Variants in ADAMTSL1 observed in about 807,000 individuals in gnomAD.
The protein encoded by ADAMTSL1 is ADAMTS-like protein 1.
In ADAMTSL1, 126 loss-of-function variants were observed where a neutral mutation model predicts 201.8. The ratio of observed to expected loss-of-function variants is 0.62; its 90% CI spans 0.54 to 0.72. The LOEUF (loss-of-function observed/expected upper bound fraction) is 0.72, where lower values mean the gene tolerates loss of function less well. ADAMTSL1 is among the 30% of genes least tolerant of loss of function. The pLI, the probability that ADAMTSL1 is intolerant of heterozygous loss-of-function variation, is 0.00. For missense variants in ADAMTSL1, 2,679 were observed against 2,277.8 expected (o/e 1.18, Z -3.59); for synonymous variants, 1,121 against 903.4 (o/e 1.24, Z -4.32).
At chr9:18,262,921 A>G (rs932088529) in intron 2 of ADAMTSL1, among the ~76,000 whole-genome samples, 1 of 152,236 alleles carries the variant, frequency 6.6e-6, no homozygotes, top group African/African-American at 2.4e-5. Flanking sequence ...TGGAACTAGT[A>G]AGTGAAATAT....
chr9:17,930,748 A>T (rs1826750122), intron 1 of ADAMTSL1, among the ~76,000 whole-genome samples: 4 of 152,184 alleles, frequency 2.6e-5, no homozygotes, highest in African/African-American at 9.7e-5. Context: ...TCAACATTGT[A>T]AGGTAAGATA....
At position 18,576,942 on chromosome 9, in the gene ADAMTSL1, G is replaced by T. The variant is rs76417354; in HGVS notation, c.474+2676G>T. On this transcript the variant is annotated intron_variant, in intron 4 of 28. Coordinates refer to ENST00000380548, the MANE Select transcript of ADAMTSL1 (RefSeq NM_001040272.6). ...ATCTTGCCCAGAGACTCCCAGCTCT[G>T]TCTGAGTTCAAAACTCCTATTCTTT... 9.5e-3 allele frequency among the ~76,000 whole-genome samples: 1,451 copies of T among 152,106 alleles called. 16 individuals are homozygous for T. Among genetic ancestry groups the T allele is most frequent in the East Asian group, 0.072 (370 of 5,160 alleles).
rs985693266 is a variant in ADAMTSL1 at position 18,315,702 on chromosome 9, G to A, written c.207+151721G>A. On this transcript the variant is annotated intron_variant, in intron 2 of 29. Coordinates refer to the ADAMTSL1 transcript ENST00000680146. ...CTGTTTGCAGCCCCAGTTCCCGCCC[G>A]CGCCTCTCCCTCCACACCTCCCGGC... Among the ~76,000 whole-genome samples the A allele has an allele frequency of 1.6e-4, 24 of 152,232 alleles. No individual in the cohort carries two copies. In the East Asian group the frequency reaches 1.9e-3, roughly 12 times the overall value.
intron 2 of ADAMTSL1, among the ~76,000 whole-genome samples, chr9:18,346,119 T>C (rs1835702538): frequency 1.3e-5 from 2 of 152,224 alleles, no homozygotes; most frequent in South Asian, 4.1e-4. Context: ...CTCAGGTTTT[T>C]ATTTATTTGT....
intron 23 of ADAMTSL1, among the ~76,000 whole-genome samples, chr9:18,850,362 G>C (rs1423271519): frequency 6.6e-6 from 1 of 152,220 alleles, no homozygotes; most frequent in African/African-American, 2.4e-5. Flanking sequence ...CCTCAGCCCT[G>C]AAACAGCCCT....
intron 1 of ADAMTSL1, among the ~76,000 whole-genome samples, chr9:18,092,806 T>C (rs921573459): frequency 6.6e-6 from 1 of 152,244 alleles, no homozygotes. Context: ...TTTCAAACTG[T>C]TTCTTTAGAG....
At chr9:18,138,817 G>T (rs1826268974) in intron 1 of ADAMTSL1, among the ~76,000 whole-genome samples, 1 of 152,114 alleles carries the variant, frequency 6.6e-6, no homozygotes, top group South Asian at 2.1e-4. Context: ...GTCTCGGGTG[G>T]TTGAAATGTC....
chr9:18,197,573 T>C (rs1829235873), intron 2 of ADAMTSL1, among the ~76,000 whole-genome samples: 2 of 145,408 alleles, frequency 1.4e-5, no homozygotes, highest in Admixed American at 7.1e-5. Context: ...CTTAAGGAGA[T>C]TTTGGGCTGA....
At position 18,684,725 on chromosome 9, in the gene ADAMTSL1, C is replaced by A. The variant is rs1280253687; in HGVS notation, c.1499C>A (p.Pro500Gln). The A allele has an allele frequency of 1.2e-6, 2 of 1,612,842 alleles. No individual in the cohort carries two copies. The highest frequency in any genetic ancestry group is 1.7e-6 in the Non-Finnish European group (2 of 1,179,572). Residue 500 changes from proline to glutamine, a missense_variant, in exon 13 of 29, where the codon CCA becomes CAA. Coordinates refer to ENST00000380548, the MANE Select transcript of ADAMTSL1 (RefSeq NM_001040272.6). ...TPCYKPKEKL[P>Q]VEAKLPWFKQ... ...TGCACTGAATTCTCAGAGAAACTTC[C>A]AGTCGAGGCCAAGTTGCCATGGTTC... is the stretch of plus-strand genomic sequence containing the variant.
chr9:18,832,316 C>G (rs1825038595), intron 23 of ADAMTSL1, among the ~76,000 whole-genome samples: 2 of 152,114 alleles, frequency 1.3e-5, no homozygotes, highest in Non-Finnish European at 2.9e-5. Flanking sequence ...AGTGTGCGCT[C>G]TGGGTATGAG....
intron 1 of ADAMTSL1, among the ~76,000 whole-genome samples, chr9:17,977,404 T>C (rs1818498848): frequency 6.6e-6 from 1 of 152,128 alleles, no homozygotes. Context: ...AGTTATTCTT[T>C]AAATGTTTAG....
rs777966857 is a variant in ADAMTSL1 at position 18,770,757 on chromosome 9, G to A, written c.2373G>A (p.Glu791=). 6.2e-7 allele frequency: 1 copy of A among 1,613,868 alleles called. No individual in the cohort carries two copies. Among genetic ancestry groups the A allele is most frequent in the East Asian group, 2.2e-5 (1 of 44,882 alleles). Residue 791 remains glutamate (E), a synonymous_variant, in exon 17 of 29, where the codon GAG becomes GAA. Coordinates refer to ENST00000380548, the MANE Select transcript of ADAMTSL1 (RefSeq NM_001040272.6). ...QACKKDDCPS[E]WLLSDWTECS... ...GCAAGAAAGATGACTGTCCCAGCGAGTGGCTTCTCTCAGACTGGACAGAGG... is the reference window on the plus strand; with the variant it reads ...GCAAGAAAGATGACTGTCCCAGCGAATGGCTTCTCTCAGACTGGACAGAGG...
chr9:18,686,040 T>C (rs1453892409), intron 13 of ADAMTSL1, among the ~76,000 whole-genome samples: 1 of 152,024 alleles, frequency 6.6e-6, no homozygotes, highest in African/African-American at 2.4e-5. Context: ...CACCTCAGCC[T>C]ACCGAGTAGC....
chr9:18,108,997 G>A (rs1404487766), intron 1 of ADAMTSL1, among the ~76,000 whole-genome samples: 1 of 152,170 alleles, frequency 6.6e-6, no homozygotes, highest in South Asian at 2.1e-4. Context: ...GAATTGATAA[G>A]CATTACTCAG....
At chr9:18,083,060 T>C (rs537221802) in intron 1 of ADAMTSL1, among the ~76,000 whole-genome samples, 1 of 152,338 alleles carries the variant, frequency 6.6e-6, no homozygotes, top group East Asian at 1.9e-4. Context: ...AGTGCATCTT[T>C]ATTGCAATAG....
intron 2 of ADAMTSL1, among the ~76,000 whole-genome samples, chr9:18,164,311 G>A (rs1478800158): frequency 6.6e-6 from 1 of 151,866 alleles, no homozygotes; most frequent in Non-Finnish European, 1.5e-5. Context: ...GAAGGAATAA[G>A]GAGATTTATA....
intron 12 of ADAMTSL1, 77 bp from the exon 13 acceptor site, chr9:18,684,639 G>A: frequency 6.7e-7 from 1 of 1,483,684 alleles, no homozygotes; most frequent in South Asian, 1.4e-5. Flanking sequence ...TTCTTGGTGA[G>A]GAGAATAAGG....
intron 26 of ADAMTSL1, among the ~76,000 whole-genome samples, chr9:18,901,415 T>C (rs1830010839): frequency 6.6e-6 from 1 of 152,120 alleles, no homozygotes; most frequent in Admixed American, 6.5e-5. Flanking sequence ...TTATTTTGTT[T>C]CATAGCTCCA....
chr9:18,862,608 T>G (rs1014650520), intron 23 of ADAMTSL1, among the ~76,000 whole-genome samples: 3 of 152,196 alleles, frequency 2.0e-5, no homozygotes, highest in South Asian at 2.1e-4. Flanking sequence ...TTGGTGTGCG[T>G]GATAGATAAG....
Sources: allele counts gnomAD v4.1 joint callset (sites outside exome capture counted in the v4.1 genomes callset), GRCh38; gene constraint gnomAD v4.1.1; transcripts MANE v1.5; gene names NCBI Gene and HGNC (gene_info 2026-07-23, HGNC 2026-07-21).